ZNRF1: variants seen among roughly 807,000 people sequenced by gnomAD.
ZNRF1 encodes the protein zinc and ring finger 1.
Under a neutral mutation model 18.4 loss-of-function variants are expected in ZNRF1, and 3 were observed. The ratio of observed to expected loss-of-function variants is 0.16; its 90% confidence interval spans 0.07 to 0.42. The LOEUF (loss-of-function observed/expected upper bound fraction) is 0.42. ZNRF1 is among the 10% of genes least tolerant of loss of function. The pLI is 0.99. For missense variants in ZNRF1, 310 were observed against 329.8 expected (o/e 0.94, Z 0.47); for synonymous variants, 157 against 144.2 (o/e 1.09, Z -0.64).
At chr16:75,010,471 T>C (rs571773765) in intron 1 of ZNRF1, among the ~76,000 whole-genome samples, 4 of 152,162 alleles carry the variant, frequency 2.6e-5, no homozygotes, top group Non-Finnish European at 4.4e-5. Context: ...GCCAAGAGAT[T>C]TTATGAGTAC....
rs535566075 is a variant in ZNRF1 at position 75,031,689 on chromosome 16, A to G, written c.424+31594A>G. 3.3e-5 allele frequency among the ~76,000 whole-genome samples: 5 copies of G among 151,964 alleles called. No homozygotes were observed. The South Asian group carries it at 1.0e-3, about 32-fold the overall frequency. ...GCCTGGCTAATTTTTTGTATTTTCC[A>G]TAGAGACAGGGCATGTTGCCCAGGC... On this transcript the variant is annotated intron_variant, in intron 1 of 4. Coordinates refer to ENST00000335325, the MANE Select transcript of ZNRF1 (RefSeq NM_032268.5).
chr16:75,102,140 G>C (rs2036261298), intron 2 of ZNRF1, among the ~76,000 whole-genome samples: 1 of 152,146 alleles, frequency 6.6e-6, no homozygotes, highest in African/African-American at 2.4e-5. Flanking sequence ...CCTGGTGGGG[G>C]GCTTTGAGGA....
chr16:75,078,946 C>G (rs748456227), intron 1 of ZNRF1, among the ~76,000 whole-genome samples: 1 of 152,270 alleles, frequency 6.6e-6, no homozygotes, highest in South Asian at 2.1e-4. Flanking sequence ...TATTATGAAT[C>G]AAGATTTACA....
intron 1 of ZNRF1, among the ~76,000 whole-genome samples, chr16:75,073,146 C>CTCTCTCTCTCTCTG (rs146902791): frequency 0.088 from 11,286 of 128,402 alleles, 815 homozygotes; most frequent in African/African-American, 0.18. Context: ...CTCTCTCTCT[C>CTCTCTCTCTCTCTG]TCTCTCTGTC....
At chr16:75,042,813 G>C (rs1478123641) in intron 1 of ZNRF1, among the ~76,000 whole-genome samples, 3 of 152,140 alleles carry the variant, frequency 2.0e-5, no homozygotes, top group African/African-American at 4.8e-5. Context: ...AGAGGTCCTT[G>C]TGACCTCTCA....
At chr16:75,065,336 C>G (rs1172410616) in intron 1 of ZNRF1, among the ~76,000 whole-genome samples, 1 of 152,148 alleles carries the variant, frequency 6.6e-6, no homozygotes, top group Non-Finnish European at 1.5e-5. Context: ...GTGCCTTAGA[C>G]TACTGCCGCA....
chr16:75,047,609 A>G (rs547635086), intron 1 of ZNRF1, among the ~76,000 whole-genome samples: 2 of 152,174 alleles, frequency 1.3e-5, no homozygotes, highest in South Asian at 2.1e-4. Flanking sequence ...TTGTGTGTGT[A>G]GATCTTGCGT....
Position 74,999,933 on chromosome 16 carries a change from G to A in ZNRF1, c.262G>A (p.Gly88Ser). 1 of 1,564,082 alleles carries A rather than the reference G, an allele frequency of 6.4e-7. No homozygotes were observed. Among genetic ancestry groups the A allele is most frequent in the Non-Finnish European group, 8.7e-7 (1 of 1,155,976 alleles). Residue 88 changes from glycine to serine, a missense_variant, in exon 1 of 5, where the codon GGC becomes AGC. This residue lies in a region of ZNRF1 where 293 missense variants were observed against 291.2 expected (regional missense o/e 1.01). Transcript: ENST00000335325. ...GTGDSERAPG[G>S]GGSASDSTYA... Reference sequence around the variant, plus strand: ...CGGCGACTCCGAGAGGGCGCCCGGCGGCGGAGGGTCTGCGTCCGACTCCAC... The same window carrying A: ...CGGCGACTCCGAGAGGGCGCCCGGCAGCGGAGGGTCTGCGTCCGACTCCAC...
chr16:75,060,360 C>G (rs1414204309), intron 1 of ZNRF1, among the ~76,000 whole-genome samples: 1 of 150,806 alleles, frequency 6.6e-6, no homozygotes, highest in Non-Finnish European at 1.5e-5. Flanking sequence ...CGACAGTTTT[C>G]TAAGTTAGGG....
At chr16:75,061,009 A>G (rs2035737618) in intron 1 of ZNRF1, among the ~76,000 whole-genome samples, 1 of 152,198 alleles carries the variant, frequency 6.6e-6, no homozygotes, top group East Asian at 1.9e-4. Flanking sequence ...TAAAAAAAAT[A>G]GTAATACATT....
At chr16:75,032,611 C>T (rs7192250) in intron 1 of ZNRF1, among the ~76,000 whole-genome samples, 133,367 of 152,148 alleles carry the variant, frequency 0.88, 58,903 homozygotes, top group Non-Finnish European at 0.93. Context: ...AATAATAAGA[C>T]AAGTTACAGA....
At chr16:75,021,021 T>TA (rs2035140572) in intron 1 of ZNRF1, among the ~76,000 whole-genome samples, 1 of 152,200 alleles carries the variant, frequency 6.6e-6, no homozygotes, top group South Asian at 2.1e-4. Flanking sequence ...GGATCGGTAT[T>TA]ACAATTCTAC....
intron 1 of ZNRF1, among the ~76,000 whole-genome samples, chr16:75,089,344 A>G (rs2036109677): frequency 6.6e-6 from 1 of 152,170 alleles, no homozygotes; most frequent in Non-Finnish European, 1.5e-5. Context: ...CCTGGGCTAA[A>G]GTGATCCTCC....
intron 1 of ZNRF1, among the ~76,000 whole-genome samples, chr16:75,051,936 A>C (rs1177192146): frequency 6.6e-6 from 1 of 152,210 alleles, no homozygotes; most frequent in Non-Finnish European, 1.5e-5. Flanking sequence ...ACATCTGTAT[A>C]CTTATCTTTA....
At chr16:75,040,670 A>G (rs1482343996) in intron 1 of ZNRF1, among the ~76,000 whole-genome samples, 1 of 139,090 alleles carries the variant, frequency 7.2e-6, no homozygotes, top group Admixed American at 7.8e-5. Context: ...GCAGTGGCGC[A>G]ATCTCGGCTC....
intron 1 of ZNRF1, among the ~76,000 whole-genome samples, chr16:75,012,882 C>G (rs755058007): frequency 6.6e-6 from 1 of 152,136 alleles, no homozygotes; most frequent in Non-Finnish European, 1.5e-5. Context: ...TCTTCAAAGC[C>G]TGTTACCGGT....
chr16:75,042,443 C>CTTTTTTTT (rs56212046), intron 1 of ZNRF1, among the ~76,000 whole-genome samples: 5 of 116,964 alleles, frequency 4.3e-5, no homozygotes, highest in Non-Finnish European at 5.3e-5. Flanking sequence ...CTGTTTCTTT[C>CTTTTTTTT]TTTTTTTTTT....
At chr16:75,070,795 T>C (rs560859984) in intron 1 of ZNRF1, among the ~76,000 whole-genome samples, 2 of 152,216 alleles carry the variant, frequency 1.3e-5, no homozygotes, top group African/African-American at 2.4e-5. Context: ...CGTGCACTCA[T>C]GTGTCTGCTT....
chr16:75,060,162 T>A (rs951711335), intron 1 of ZNRF1, among the ~76,000 whole-genome samples: 2 of 152,006 alleles, frequency 1.3e-5, no homozygotes, highest in African/African-American at 4.8e-5. Context: ...CAAGTGATTC[T>A]CCTGCCTCAG....
Sources: gnomAD v4.1 joint callset for allele counts (sites outside exome capture counted in the v4.1 genomes callset) on GRCh38, gnomAD v4.1.1 for gene constraint, gnomAD v4.1.1 regional missense constraint, MANE v1.5 for transcripts, NCBI Gene and HGNC (gene_info 2026-07-23, HGNC 2026-07-21) for gene names.